The following RELL1 variants were observed in gnomAD, a reference collection of about 807,000 sequenced individuals.
RELL1 encodes the protein RELT-like protein 1.
A neutral mutation model predicts 23.0 loss-of-function variants in RELL1; 10 were observed. The ratio of observed to expected loss-of-function variants is 0.43; its 90% CI spans 0.27 to 0.74. The LOEUF (loss-of-function observed/expected upper bound fraction) is 0.74. RELL1 is among the 30% of genes least tolerant of loss of function. The pLI is 0.19. For synonymous variants in RELL1, 146 were observed against 146.8 expected (o/e 0.99, Z 0.04); for missense variants, 315 against 364.4 (o/e 0.86, Z 1.10).
intron 6 of RELL1, chr4:37,622,742 C>T (rs1577570356): frequency 4.5e-6 from 2 of 446,586 alleles, no homozygotes; most frequent in East Asian, 7.0e-5. Context: ...GTCTGACACA[C>T]TGCCACATCC....
chr4:37,606,288 G>A (rs1032543555), downstream of RELL1, among the ~76,000 whole-genome samples: 3 of 152,124 alleles, frequency 2.0e-5, no homozygotes, highest in African/African-American at 7.2e-5. This position sits in a 1 kb window ranked among gnomAD's most constrained non-coding sequence, Gnocchi z 4.1. Flanking sequence ...GAAAAGTAAA[G>A]GATGGAACCA....
At chr4:37,605,765 A>AAGAG (rs1553871628), downstream of RELL1, among the ~76,000 whole-genome samples, 14 of 92,070 alleles carry the variant, frequency 1.5e-4, no homozygotes, top group African/African-American at 3.6e-4. Flanking sequence ...AGAATAAAGA[A>AAGAG]AGAGAGAGAG....
chr4:37,686,019 C>G (rs959448577), intron 1 of RELL1, among the ~76,000 whole-genome samples, 181 bp downstream of exon 1: 9 of 152,174 alleles, frequency 5.9e-5, no homozygotes, highest in Non-Finnish European at 1.2e-4. Context: ...GGACGGGAGC[C>G]GTTGCCACGC....
rs1235910802 is a variant in RELL1, at chr4:37,612,464, C to T, written c.*882G>A. Among the ~76,000 whole-genome samples, 1 of 151,664 alleles carries T rather than the reference C, an allele frequency of 6.6e-6. No homozygotes were observed. The highest frequency in any genetic ancestry group is 1.5e-5 in the Non-Finnish European group (1 of 67,924). On this transcript the variant is annotated 3_prime_UTR_variant, in exon 7 of 7. Coordinates refer to ENST00000454158, the MANE Select transcript of RELL1 (RefSeq NM_001085400.2). ...CAGCCTGACCAATATAGTGATACCC[C>T]GTCTCTACTAAAAATACAAAAATTA...
At chr4:37,630,380 T>TTTTTTTTTTG (rs1720086728) in intron 6 of RELL1, among the ~76,000 whole-genome samples, 1 of 145,524 alleles carries the variant, frequency 6.9e-6, no homozygotes, top group African/African-American at 2.6e-5. Context: ...TTTTTTTTTT[T>TTTTTTTTTTG]TTGAGACCGA....
Position 37,632,622 on chromosome 4 carries a change from A to C in RELL1, c.681-1099T>G, listed in dbSNP as rs372622244. Reference sequence around the variant, plus strand: ...TATCTCAACACACACACGCACACACATGCTCTCACACATATGCAGAAAATC... The same window carrying C: ...TATCTCAACACACACACGCACACACCTGCTCTCACACATATGCAGAAAATC... On this transcript the variant is annotated intron_variant, in intron 5 of 6. Coordinates refer to ENST00000454158, the MANE Select transcript of RELL1 (RefSeq NM_001085400.2). Among the ~76,000 whole-genome samples the C allele has an allele frequency of 3.9e-5, 6 of 152,256 alleles. No individual in the cohort carries two copies. The East Asian group carries it at 1.2e-3, about 29-fold the overall frequency.
At chr4:37,596,730 ATATATATTTTTTTTTTTTTTT>A (rs1445291766) in intron 6 of RELL1, among the ~76,000 whole-genome samples, 644 of 16,958 alleles carry the variant, frequency 0.038, 10 homozygotes, top group African/African-American at 0.091. Context: ...ATATATATAT[ATATATATTTTTTTTTTTTTTT>A]TTTTTTTTTT....
At chr4:37,588,471 G>T, downstream of RELL1, 1 of 168,736 alleles carries the variant, frequency 5.9e-6, no homozygotes, top group Non-Finnish European at 1.3e-5. Flanking sequence ...GCAGTGGGCC[G>T]TGCCCTGGTG....
chr4:37,668,730 G>A (rs1381664939), intron 1 of RELL1, among the ~76,000 whole-genome samples: 1 of 149,078 alleles, frequency 6.7e-6, no homozygotes, highest in Non-Finnish European at 1.5e-5. Flanking sequence ...TGGAAAGTGA[G>A]GAGCATCTCT....
intron 4 of RELL1, among the ~76,000 whole-genome samples, chr4:37,635,843 A>C (rs1354061742): frequency 6.6e-6 from 1 of 152,254 alleles, no homozygotes; most frequent in Admixed American, 6.5e-5. Flanking sequence ...GCCCTGGAAA[A>C]GGGAAGAACC....
intron 1 of RELL1, among the ~76,000 whole-genome samples, chr4:37,677,675 A>G (rs1722063830): frequency 6.6e-6 from 1 of 152,206 alleles, no homozygotes; most frequent in Non-Finnish European, 1.5e-5. Flanking sequence ...GCACTGCTAT[A>G]AAGAAATACC....
At chr4:37,668,819 C>T (rs1353940923) in intron 1 of RELL1, among the ~76,000 whole-genome samples, 1 of 146,886 alleles carries the variant, frequency 6.8e-6, no homozygotes, top group African/African-American at 2.7e-5. Context: ...AGGAGCGTCT[C>T]TCCCCGGCCG....
chr4:37,672,872 T>C (rs1721880614), intron 1 of RELL1, among the ~76,000 whole-genome samples: 1 of 152,142 alleles, frequency 6.6e-6, no homozygotes, highest in African/African-American at 2.4e-5. Context: ...TATTTAGAGA[T>C]TGCCTTAACA....
chr4:37,661,109 C>T (rs1721340177), intron 1 of RELL1, among the ~76,000 whole-genome samples: 1 of 151,932 alleles, frequency 6.6e-6, no homozygotes, highest in Admixed American at 6.6e-5. Flanking sequence ...AATCTTGTTT[C>T]AGGACAGAAT....
chr4:37,638,534 A>G, intron 3 of RELL1, 30 bp from the exon 4 acceptor site: 1 of 1,514,782 alleles, frequency 6.6e-7, no homozygotes, highest in Non-Finnish European at 9.1e-7. Flanking sequence ...TTAAAGAATT[A>G]AAATAGAATG....
At chr4:37,624,329 A>C (rs1483936626) in intron 6 of RELL1, among the ~76,000 whole-genome samples, 1 of 152,210 alleles carries the variant, frequency 6.6e-6, no homozygotes, top group South Asian at 2.1e-4. Flanking sequence ...TTTTATAATA[A>C]AAAGAACTTG....
intron 6 of RELL1, among the ~76,000 whole-genome samples, chr4:37,618,606 C>A (rs1197997682): frequency 1.3e-5 from 2 of 152,098 alleles, no homozygotes; most frequent in East Asian, 3.9e-4. Context: ...TACTTAATCT[C>A]CCATTGATAG....
chr4:37,604,798 G>GACACACACACACAC (rs368655689), intron 6 of RELL1, among the ~76,000 whole-genome samples: 517 of 116,006 alleles, frequency 4.5e-3, no homozygotes, highest in Non-Finnish European at 6.8e-3. Flanking sequence ...CACACACACA[G>GACACACACACACAC]ACACACACAC....
chr4:37,604,469 A>C (rs926518839), intron 6 of RELL1, among the ~76,000 whole-genome samples: 2 of 152,144 alleles, frequency 1.3e-5, no homozygotes, highest in South Asian at 4.1e-4. Flanking sequence ...CTTCCTCAGC[A>C]TAAGCTGTTA....
Sources: allele counts gnomAD v4.1 joint callset (sites outside exome capture counted in the v4.1 genomes callset), GRCh38; gene constraint gnomAD v4.1.1; non-coding constraint Gnocchi (gnomAD v3.1); transcripts MANE v1.5; gene names NCBI Gene and HGNC (gene_info 2026-07-23, HGNC 2026-07-21).